ARSG: variants seen among roughly 807,000 people sequenced by gnomAD.
ARSG encodes the protein arylsulfatase G.
Under a neutral mutation model 50.5 loss-of-function variants are expected in ARSG, and 37 were observed. The ratio of observed to expected loss-of-function variants is 0.73; its 90% CI spans 0.56 to 0.96. The LOEUF (loss-of-function observed/expected upper bound fraction) is 0.96. Among genes scored for constraint, ARSG ranks in the 50% least tolerant of loss-of-function variants. The probability of loss-of-function intolerance (pLI) is 0.00; values close to 1 mark genes in which losing one functional copy is unlikely to be tolerated. For synonymous variants in ARSG, 225 were observed against 254.6 expected, an observed-to-expected ratio of 0.88 and a Z score of 1.11; for missense variants, 629 against 675.3, an observed-to-expected ratio of 0.93 and a Z score of 0.76.
At chr17:68,428,886 T>C in the ARSG span, 3 of 1,614,136 alleles carry the variant, frequency 1.9e-6, no homozygotes, top group South Asian at 1.1e-5. Flanking sequence ...ATTGTACATA[T>C]AAAGGTGTCC....
chr17:68,437,022 G>A, the ARSG span, among the ~76,000 whole-genome samples: 6 of 140,240 alleles, frequency 4.3e-5, no homozygotes, highest in African/African-American at 1.5e-4. Context: ...ATATATGTGT[G>A]TGTGTGTGTG....
At chr17:68,432,582 T>C in the ARSG span, among the ~76,000 whole-genome samples, 20 of 152,120 alleles carry the variant, frequency 1.3e-4, 1 homozygote, top group South Asian at 3.7e-3. Flanking sequence ...GTCATGTATG[T>C]GTTAGCATGT....
chr17:68,373,279 G>A (rs2079958243), intron 8 of ARSG, among the ~76,000 whole-genome samples: 1 of 150,388 alleles, frequency 6.6e-6, no homozygotes, highest in Admixed American at 6.7e-5. Flanking sequence ...CCCTGGGCTG[G>A]AGTGCAATGG....
intron 2 of ARSG, among the ~76,000 whole-genome samples, chr17:68,331,189 CTT>C (rs1180552958): frequency 1.5e-3 from 59 of 38,658 alleles, no homozygotes; most frequent in Non-Finnish European, 1.9e-4. Context: ...TTCTTTCTTT[CTT>C]TCTTTCTTTC....
At chr17:68,375,217 C>G (rs1373992197) in intron 8 of ARSG, among the ~76,000 whole-genome samples, 1 of 152,148 alleles carries the variant, frequency 6.6e-6, no homozygotes, top group Non-Finnish European at 1.5e-5. Context: ...TGTGGTTGGT[C>G]CAGGGACCAA....
chr17:68,391,080 G>A (rs1262309272), intron 9 of ARSG, among the ~76,000 whole-genome samples: 4 of 152,070 alleles, frequency 2.6e-5, no homozygotes, highest in African/African-American at 9.7e-5. Context: ...CTCTTTCTCC[G>A]AGGTTTTAAA....
At chr17:68,358,017 A>G (rs1345059825) in intron 6 of ARSG, among the ~76,000 whole-genome samples, 1 of 152,006 alleles carries the variant, frequency 6.6e-6, no homozygotes, top group African/African-American at 2.4e-5. Context: ...TAGCTGGGCA[A>G]CATGGTGAAA....
intron 1 of ARSG, among the ~76,000 whole-genome samples, chr17:68,270,553 C>CAA (rs1318666864): frequency 3.6e-5 from 3 of 84,294 alleles, no homozygotes; most frequent in African/African-American, 4.5e-5. Context: ...GACTCCATCT[C>CAA]AAAAAAAAAA....
chr17:68,393,881 A>G (rs901841139), intron 9 of ARSG, among the ~76,000 whole-genome samples: 3 of 150,896 alleles, frequency 2.0e-5, no homozygotes, highest in African/African-American at 4.9e-5. Flanking sequence ...AAAAAAAAAA[A>G]GGGAAAGAAA....
the ARSG span, among the ~76,000 whole-genome samples, chr17:68,449,196 T>C: frequency 1.3e-5 from 2 of 152,250 alleles, no homozygotes; most frequent in Non-Finnish European, 2.9e-5. Flanking sequence ...TAAATCTGCA[T>C]GGTCACATAA....
chr17:68,379,912 C>T (rs2080347295), intron 8 of ARSG: 5 of 963,604 alleles, frequency 5.2e-6, no homozygotes, highest in Non-Finnish European at 6.2e-6. Context: ...TTTATGTACA[C>T]TGTCTTATAT....
chr17:68,348,875 C>T (rs1463833609), intron 4 of ARSG, among the ~76,000 whole-genome samples: 2 of 152,188 alleles, frequency 1.3e-5, no homozygotes, highest in African/African-American at 2.4e-5. Flanking sequence ...TTCCTCAGGT[C>T]AGGGCTCCTG....
chr17:68,259,233 C>T (rs1555744778), exon 1 of ARSG: 2 of 152,262 alleles, frequency 1.3e-5, no homozygotes, highest in African/African-American at 4.8e-5. Context: ...GGCGCACCAC[C>T]TGTTTCCGCG....
chr17:68,439,721 A>T, the ARSG span, among the ~76,000 whole-genome samples: 2 of 152,214 alleles, frequency 1.3e-5, no homozygotes, highest in African/African-American at 4.8e-5. Context: ...TGAGTTCAAG[A>T]CTGAGGTCTG....
chr17:68,312,754 T>C (rs2076915382), intron 2 of ARSG, among the ~76,000 whole-genome samples: 1 of 152,170 alleles, frequency 6.6e-6, no homozygotes, highest in South Asian at 2.1e-4. Context: ...GGCCATGAAC[T>C]GATTCATCGC....
intron 11 of ARSG, among the ~76,000 whole-genome samples, chr17:68,414,553 T>C (rs1032545140): frequency 6.6e-6 from 1 of 152,220 alleles, no homozygotes; most frequent in African/African-American, 2.4e-5. Context: ...TAGAATGAAT[T>C]AGGGAGGGTT....
At chr17:68,436,771 C>T in the ARSG span, among the ~76,000 whole-genome samples, 2 of 151,928 alleles carry the variant, frequency 1.3e-5, no homozygotes, top group Admixed American at 6.6e-5. Flanking sequence ...TTGAGGCGGG[C>T]GGATCACTTG....
intron 11 of ARSG, among the ~76,000 whole-genome samples, chr17:68,410,427 A>G (rs1256816556): frequency 6.7e-6 from 1 of 148,736 alleles, no homozygotes; most frequent in African/African-American, 2.5e-5. Flanking sequence ...GATTACATTT[A>G]TTGATTTGCG....
chr17:68,445,622 C>G, the ARSG span, among the ~76,000 whole-genome samples: 1 of 152,232 alleles, frequency 6.6e-6, no homozygotes, highest in African/African-American at 2.4e-5. Flanking sequence ...CACATGAAAG[C>G]TTGTCAGGTT....
Sources: allele counts gnomAD v4.1 joint callset (sites outside exome capture counted in the v4.1 genomes callset), GRCh38; gene constraint gnomAD v4.1.1; transcripts MANE v1.5; gene names NCBI Gene and HGNC (gene_info 2026-07-23, HGNC 2026-07-21).